Variants in MYRFL observed in about 807,000 individuals in gnomAD.
MYRFL encodes the protein myelin regulatory factor-like protein.
MYRFL carries 88 observed loss-of-function variants against 109.4 expected under a neutral mutation model. The observed-to-expected ratio is 0.80, with a 90% CI of 0.68 to 0.96. The LOEUF is 0.96. Among genes scored for constraint, MYRFL ranks in the 40% least tolerant of loss-of-function variants. The pLI is 0.00. For missense variants in MYRFL, 957 were observed against 954.9 expected (o/e 1.00, Z -0.03); for synonymous variants, 324 against 320.9 (o/e 1.01, Z -0.10).
chr12:69,863,367 A>T (rs1371303452), intron 2 of MYRFL, among the ~76,000 whole-genome samples: 2 of 152,248 alleles, frequency 1.3e-5, no homozygotes, highest in African/African-American at 4.8e-5. Context: ...TCGGCTGTGA[A>T]TCCATCTGGT....
chr12:69,933,314 C>T (rs1464818470), intron 16 of MYRFL, among the ~76,000 whole-genome samples: 1 of 151,988 alleles, frequency 6.6e-6, no homozygotes, highest in Non-Finnish European at 1.5e-5. Context: ...CCTTTGAAAC[C>T]TGGTCATCTT....
intron 2 of MYRFL, among the ~76,000 whole-genome samples, chr12:69,858,889 T>G (rs1227553228): frequency 6.6e-6 from 1 of 151,990 alleles, no homozygotes; most frequent in African/African-American, 2.4e-5. Context: ...AATTTGGGTT[T>G]AGTTTGCTCT....
At chr12:69,902,655 C>T (rs945675299) in intron 10 of MYRFL, among the ~76,000 whole-genome samples, 2 of 152,166 alleles carry the variant, frequency 1.3e-5, no homozygotes, top group Non-Finnish European at 2.9e-5. Context: ...CATAAAAATA[C>T]ATCATAATTT....
chr12:69,854,331 C>T (rs867991540), intron 1 of MYRFL, among the ~76,000 whole-genome samples: 4 of 106,270 alleles, frequency 3.8e-5, no homozygotes, highest in African/African-American at 9.5e-5. Context: ...AGAGGGAGAC[C>T]GTGGAGGGGG....
At chr12:69,951,699 A>G (rs1955979782) in intron 19 of MYRFL, among the ~76,000 whole-genome samples, 1 of 152,200 alleles carries the variant, frequency 6.6e-6, no homozygotes, top group Non-Finnish European at 1.5e-5. Flanking sequence ...GAGTGCTGGG[A>G]TTACAGGCGT....
In MYRFL at chr12:69,926,581, T is replaced by C; in HGVS notation, c.1613T>C (p.Phe538Ser). The change falls in exon 14 of 25, where the codon TTT (phenylalanine) becomes TCT (serine). Residue 538 changes from phenylalanine to serine, a missense_variant. Coordinates refer to ENST00000552032, the MANE Select transcript of MYRFL (RefSeq NM_182530.3). ...ATTTTTCCCTTTTAGGACCAGATCT[T>C]TATGGAAAATGTAGGTGCAGTGAAG... ...NFLMVDKDQI[F>S]MENVGAVKQL... 6 of 1,500,872 alleles carry C rather than the reference T, an allele frequency of 4.0e-6. No individual in the cohort carries two copies. Among genetic ancestry groups the C allele is most frequent in the Non-Finnish European group, 5.3e-6 (6 of 1,130,640 alleles). The allele number at this position is 1,500,872 out of a possible 1,614,324, so 93.0% of individuals were successfully genotyped here.
At chr12:69,880,410 G>T in intron 5 of MYRFL, 118 bp downstream of exon 5, 1 of 597,210 alleles carries the variant, frequency 1.7e-6, no homozygotes, top group Non-Finnish European at 3.0e-6. Context: ...GAAGAGCAAT[G>T]ATAAGCTCTG....
intron 5 of MYRFL, among the ~76,000 whole-genome samples, chr12:69,885,034 A>G (rs1028135488): frequency 1.3e-5 from 2 of 152,152 alleles, no homozygotes; most frequent in African/African-American, 2.4e-5. Context: ...GAGAGGAAGA[A>G]AAAAAAGGAA....
In MYRFL at chr12:69,932,497, C is replaced by G; in HGVS notation, c.1831-16C>G. The G allele has an allele frequency of 2.6e-6, 4 of 1,521,472 alleles. No homozygotes were observed. The highest frequency in any genetic ancestry group is 3.5e-6 in the Non-Finnish European group (4 of 1,133,602). The allele number at this position is 1,521,472 out of a possible 1,614,324, so 94.2% of individuals were successfully genotyped here. A position where few individuals can be genotyped will look rare whatever the true frequency, so the allele number is the denominator to read the frequency against. On this transcript the variant is annotated splice_polypyrimidine_tract_variant and intron_variant, in intron 15 of 24. Transcript: ENST00000552032. ...GTTGCTAATTTATCACTGCTCATTA[C>G]TGAACCTTTTTATAGGTTTATTTTT... is the stretch of plus-strand genomic sequence containing the variant.
intron 22 of MYRFL, 93 bp from the exon 23 acceptor site, chr12:69,957,729 G>C: frequency 7.2e-7 from 1 of 1,388,536 alleles, no homozygotes; most frequent in Non-Finnish European, 9.4e-7. Context: ...TCCAAGTTAC[G>C]TTCCCATTAG....
chr12:69,957,796 CTCTT>C (rs1350796232), intron 22 of MYRFL, 22 bp from the exon 23 acceptor site: 2 of 1,504,898 alleles, frequency 1.3e-6, no homozygotes, highest in Non-Finnish European at 1.8e-6. Context: ...TTTTCAGGTG[CTCTT>C]TCTTTTCTTT....
chr12:69,891,595 T>TTCTTTCTTTCTTTCTC (rs1886823207), intron 7 of MYRFL, among the ~76,000 whole-genome samples: 2 of 134,402 alleles, frequency 1.5e-5, no homozygotes, highest in Non-Finnish European at 3.2e-5. Flanking sequence ...CTTTCTTTCT[T>TTCTTTCTTTCTTTCTC]TCTTTCTTTC....
intron 2 of MYRFL, among the ~76,000 whole-genome samples, chr12:69,875,723 A>G (rs887402110): frequency 6.6e-6 from 1 of 152,184 alleles, no homozygotes; most frequent in Non-Finnish European, 1.5e-5. Flanking sequence ...CATGTGCCTT[A>G]TGAAAATCTA....
intron 5 of MYRFL, among the ~76,000 whole-genome samples, chr12:69,883,118 T>C (rs1237902773): frequency 6.6e-6 from 1 of 152,232 alleles, no homozygotes; most frequent in Non-Finnish European, 1.5e-5. Context: ...TTAGATTTTC[T>C]CAAGAGATCC....
At chr12:69,956,954 C>G (rs187107220) in intron 22 of MYRFL, among the ~76,000 whole-genome samples, 27 of 152,122 alleles carry the variant, frequency 1.8e-4, no homozygotes, top group Admixed American at 1.6e-3. Flanking sequence ...ATGCTATATC[C>G]CCTGAAGTGG....
chr12:69,909,369 A>G (rs12371631), intron 11 of MYRFL, among the ~76,000 whole-genome samples: 25,188 of 152,064 alleles, frequency 0.17, 2,330 homozygotes, highest in Non-Finnish European at 0.22. Context: ...TTCTTAAAAC[A>G]ACAATAACAA....
chr12:69,850,051 C>T (rs990428544), intron 1 of MYRFL, among the ~76,000 whole-genome samples: 1 of 152,108 alleles, frequency 6.6e-6, no homozygotes, highest in South Asian at 2.1e-4. Flanking sequence ...CTTTCCTGTG[C>T]TGTTCTTGTG....
At chr12:69,923,244 T>C (rs1027980324) in intron 13 of MYRFL, among the ~76,000 whole-genome samples, 1 of 152,182 alleles carries the variant, frequency 6.6e-6, no homozygotes, top group South Asian at 2.1e-4. Flanking sequence ...TTTTCTCATA[T>C]TGAAAGATGT....
intron 7 of MYRFL, 57 bp from the exon 8 acceptor site, chr12:69,893,707 G>A: frequency 9.0e-7 from 1 of 1,111,320 alleles, no homozygotes; most frequent in Non-Finnish European, 1.2e-6. Context: ...AACATTCTTT[G>A]CTGATTAACA....
Sources: allele counts gnomAD v4.1 joint callset (sites outside exome capture counted in the v4.1 genomes callset), GRCh38; gene constraint gnomAD v4.1.1; transcripts MANE v1.5; gene names NCBI Gene and HGNC (gene_info 2026-07-23, HGNC 2026-07-21).